PID1: variants seen among roughly 807,000 people sequenced by gnomAD.
PID1 encodes the protein phosphotyrosine interaction domain containing 1, also known as PTB-containing, cubilin and LRP1-interacting protein.
PID1 carries 10 observed loss-of-function variants against 19.1 expected under a neutral mutation model. The ratio of observed to expected loss-of-function variants is 0.52; its 90% CI spans 0.32 to 0.89. PID1 has a LOEUF of 0.89. Ranked by LOEUF, PID1 falls within the 40% of genes least tolerant of loss-of-function variation. The probability of loss-of-function intolerance (pLI) is 0.03; values close to 1 mark genes in which losing one functional copy is unlikely to be tolerated. For synonymous variants in PID1, 130 were observed against 116.0 expected (o/e 1.12, Z -0.78); for missense variants, 248 against 285.3 (o/e 0.87, Z 0.94).
At chr2:229,061,986 T>C (rs13408149) in intron 2 of PID1, among the ~76,000 whole-genome samples, 10,633 of 152,056 alleles carry the variant, frequency 0.07, 1,247 homozygotes, top group African/African-American at 0.24. Flanking sequence ...TAACAGTTTT[T>C]TTTGGTGGAA....
intron 2 of PID1, among the ~76,000 whole-genome samples, chr2:229,047,216 T>C (rs1371067347): frequency 6.6e-6 from 1 of 152,138 alleles, no homozygotes; most frequent in Non-Finnish European, 1.5e-5. Flanking sequence ...CCGTTGGCCT[T>C]CCAGAACCAT....
intron 1 of PID1, among the ~76,000 whole-genome samples, chr2:229,250,880 T>G (rs1346911375): frequency 6.6e-6 from 1 of 152,168 alleles, no homozygotes; most frequent in African/African-American, 2.4e-5. Context: ...ATTGAAACCT[T>G]CTTGAGCACA....
chr2:229,129,183 A>C (rs1689660978), intron 2 of PID1, among the ~76,000 whole-genome samples: 1 of 152,152 alleles, frequency 6.6e-6, no homozygotes, highest in Non-Finnish European at 1.5e-5. Context: ...AGCCTACCAC[A>C]CTTGTGCTAG....
chr2:229,109,484 T>C (rs1455833688), intron 2 of PID1, among the ~76,000 whole-genome samples: 1 of 152,192 alleles, frequency 6.6e-6, no homozygotes, highest in Non-Finnish European at 1.5e-5. Context: ...AGGTACAAAC[T>C]GCATGATTAC....
At chr2:229,269,211 G>T (rs1261668235) in intron 1 of PID1, among the ~76,000 whole-genome samples, 1 of 151,872 alleles carries the variant, frequency 6.6e-6, no homozygotes, top group Admixed American at 6.6e-5. Flanking sequence ...CTAAAAACAG[G>T]TTCTTTCAAC....
At chr2:229,191,653 CA>C (rs1691262327) in intron 1 of PID1, among the ~76,000 whole-genome samples, 1 of 152,144 alleles carries the variant, frequency 6.6e-6, no homozygotes, top group African/African-American at 2.4e-5. Flanking sequence ...CTTAATACTT[CA>C]ACAAAAATTA....
At chr2:229,185,282 G>A (rs1028711740) in intron 1 of PID1, among the ~76,000 whole-genome samples, 2 of 151,694 alleles carry the variant, frequency 1.3e-5, no homozygotes, top group Non-Finnish European at 2.9e-5. Flanking sequence ...CTCAGCATCT[G>A]TCCGCCAAGA....
At chr2:229,042,342 A>G (rs1031028688) in intron 2 of PID1, among the ~76,000 whole-genome samples, 2 of 152,228 alleles carry the variant, frequency 1.3e-5, no homozygotes, top group South Asian at 2.1e-4. Flanking sequence ...AGGAATATCA[A>G]TGAAGACGTG....
chr2:229,029,203 T>C (rs1693490924), intron 2 of PID1, among the ~76,000 whole-genome samples: 1 of 151,672 alleles, frequency 6.6e-6, no homozygotes. Context: ...AAACCTGCAC[T>C]TGTACCCCTG....
intron 2 of PID1, among the ~76,000 whole-genome samples, chr2:229,044,564 T>C (rs1693836282): frequency 6.6e-6 from 1 of 152,240 alleles, no homozygotes; most frequent in Admixed American, 6.5e-5. Context: ...GATTTGATAC[T>C]GAATCTAAGT....
intron 1 of PID1, among the ~76,000 whole-genome samples, chr2:229,243,414 G>T (rs572579889): frequency 6.6e-5 from 10 of 152,174 alleles, no homozygotes; most frequent in African/African-American, 2.2e-4. Context: ...CTAGGGCAAG[G>T]TTTATAATTC....
intron 1 of PID1, among the ~76,000 whole-genome samples, chr2:229,171,030 C>G (rs1025702389): frequency 3.9e-5 from 6 of 152,186 alleles, no homozygotes; most frequent in Admixed American, 3.3e-4. Flanking sequence ...ATTCAGTCCC[C>G]AAGTATAGCC....
chr2:229,206,306 A>ATT (rs139888173), intron 1 of PID1, among the ~76,000 whole-genome samples: 4 of 151,444 alleles, frequency 2.6e-5, no homozygotes, highest in East Asian at 2.0e-4. Flanking sequence ...CTAATGGTTA[A>ATT]TTTTTATTTT....
rs537400772 is a variant in PID1, at chr2:229,231,572, A to T, written c.30+39442T>A. Among the ~76,000 whole-genome samples, 5 of 152,264 alleles carry T rather than the reference A, an allele frequency of 3.3e-5. No individual in the cohort carries two copies. In the East Asian group the frequency reaches 9.7e-4, roughly 30 times the overall value. ...TTTACAAGTGACGACGATAGAGCCC[A>T]GGCACTCTGAGACATCTGTCCAAGA... is the stretch of plus-strand genomic sequence containing the variant. On this transcript the variant is annotated intron_variant, in intron 1 of 2. Coordinates refer to ENST00000392055, the MANE Select transcript of PID1 (RefSeq NM_001100818.2).
chr2:229,193,970 C>T (rs1385644372), intron 1 of PID1, among the ~76,000 whole-genome samples: 1 of 151,960 alleles, frequency 6.6e-6, no homozygotes, highest in Non-Finnish European at 1.5e-5. Context: ...ATTGAAGCTG[C>T]AGAATGGGGG....
chr2:229,204,329 A>G lies in PID1; in HGVS notation c.31-48365T>C, dbSNP rs186274222. ...GAATTATGTGTACTACATACAAAAAATGATGATGATAATGGTGAAAAAACA... is the reference window on the plus strand; with the variant it reads ...GAATTATGTGTACTACATACAAAAAGTGATGATGATAATGGTGAAAAAACA... On this transcript the variant is annotated intron_variant, in intron 1 of 2. Transcript: ENST00000392055. Among the ~76,000 whole-genome samples the G allele has an allele frequency of 2.8e-4, 43 of 152,284 alleles. 1 individual carries two copies. The highest frequency in any genetic ancestry group is 8.7e-4 in the African/African-American group (36 of 41,572).
chr2:229,138,278 CTG>C (rs1689897036), intron 2 of PID1, among the ~76,000 whole-genome samples: 1 of 152,180 alleles, frequency 6.6e-6, no homozygotes, highest in African/African-American at 2.4e-5. Flanking sequence ...GCTGTAAAAA[CTG>C]TGCTCTAAAA....
chr2:229,178,017 G>C (rs1488592715), intron 1 of PID1, among the ~76,000 whole-genome samples: 1 of 152,090 alleles, frequency 6.6e-6, no homozygotes, highest in Non-Finnish European at 1.5e-5. Flanking sequence ...CAGAGTGTCT[G>C]TCAGCCCCAG....
intron 2 of PID1, among the ~76,000 whole-genome samples, chr2:229,129,310 A>T (rs530936428): frequency 6.6e-6 from 1 of 151,584 alleles, no homozygotes; most frequent in African/African-American, 2.4e-5. Context: ...GCTACTCGGG[A>T]GGCTGAGGCA....
Sources: gnomAD v4.1 joint callset for allele counts (sites outside exome capture counted in the v4.1 genomes callset) on GRCh38, gnomAD v4.1.1 for gene constraint, MANE v1.5 for transcripts, NCBI Gene and HGNC (gene_info 2026-07-23, HGNC 2026-07-21) for gene names.